Variants in TAFA1 observed in about 807,000 individuals in gnomAD.
The protein encoded by TAFA1 is chemokine-like protein TAFA-1.
TAFA1 carries 4 observed loss-of-function variants against 18.5 expected under a neutral mutation model. That is an observed-to-expected ratio of 0.22 (90% CI 0.11 to 0.49). TAFA1 has a LOEUF of 0.49. Ranked by LOEUF, TAFA1 falls within the 20% of genes least tolerant of loss-of-function variation. The pLI, the probability that TAFA1 is intolerant of heterozygous loss-of-function variation, is 0.98. For missense variants in TAFA1, 147 were observed against 169.0 expected (o/e 0.87, Z 0.72); for synonymous variants, 56 against 55.2 (o/e 1.01, Z -0.06).
At chr3:68,176,208 G>A (rs146569424) in intron 2 of TAFA1, among the ~76,000 whole-genome samples, 6 of 152,334 alleles carry the variant, frequency 3.9e-5, no homozygotes, top group African/African-American at 1.4e-4. Context: ...CAGGCAGGAT[G>A]CCATGGCTCA....
At chr3:68,224,417 C>A (rs2066771063) in intron 2 of TAFA1, among the ~76,000 whole-genome samples, 1 of 152,130 alleles carries the variant, frequency 6.6e-6, no homozygotes, top group African/African-American at 2.4e-5. Context: ...AATTTTAATT[C>A]TCTGTTTGTA....
chr3:68,014,415 C>T (rs900511832), intron 2 of TAFA1, among the ~76,000 whole-genome samples: 1 of 152,156 alleles, frequency 6.6e-6, no homozygotes. Context: ...AAAAACATCA[C>T]ATTAAGCCTT....
chr3:68,166,651 G>A (rs116814474), intron 2 of TAFA1, among the ~76,000 whole-genome samples: 1,680 of 152,248 alleles, frequency 0.011, 35 homozygotes, highest in African/African-American at 0.039. Context: ...AGCAAAGCCT[G>A]CCACACTCCT....
intron 2 of TAFA1, chr3:68,145,420 TC>T: frequency 1.2e-6 from 1 of 848,420 alleles, no homozygotes; most frequent in Non-Finnish European, 2.1e-6. Flanking sequence ...TTGTTGGACT[TC>T]CTATAGAAGA....
intron 2 of TAFA1, among the ~76,000 whole-genome samples, chr3:68,123,011 T>A (rs1389293155): frequency 6.6e-5 from 10 of 151,914 alleles, no homozygotes; most frequent in Admixed American, 3.9e-4. Flanking sequence ...ACCCTTTTTT[T>A]TCCAAAAATC....
intron 2 of TAFA1, among the ~76,000 whole-genome samples, chr3:68,081,268 A>G (rs11928122): frequency 0.029 from 4,484 of 152,006 alleles, 234 homozygotes; most frequent in African/African-American, 0.1. Flanking sequence ...ATGTCCTCCC[A>G]TAGCTCAGAG....
intron 3 of TAFA1, among the ~76,000 whole-genome samples, chr3:68,471,687 T>C (rs966590865): frequency 2.6e-5 from 4 of 152,174 alleles, no homozygotes; most frequent in East Asian, 1.9e-4. Flanking sequence ...CCCACCCAAA[T>C]TGAGGGTGGA....
At chr3:68,024,443 G>C (rs1282487473) in intron 2 of TAFA1, among the ~76,000 whole-genome samples, 1 of 152,142 alleles carries the variant, frequency 6.6e-6, no homozygotes, top group Non-Finnish European at 1.5e-5. Context: ...GTAGTGCAGA[G>C]TGACCCCAGC....
At chr3:68,490,854 G>T (rs1298366059) in intron 3 of TAFA1, among the ~76,000 whole-genome samples, 20 of 131,796 alleles carry the variant, frequency 1.5e-4, no homozygotes, top group Non-Finnish European at 2.5e-4. Flanking sequence ...TTTTTTTGTG[G>T]GGGGGACAGG....
At chr3:68,121,188 T>G (rs78404862) in intron 2 of TAFA1, among the ~76,000 whole-genome samples, 1 of 151,520 alleles carries the variant, frequency 6.6e-6, no homozygotes, top group African/African-American at 2.4e-5. Context: ...TTTTTTATAA[T>G]GCATCTTATT....
chr3:68,370,585 A>G (rs1022048821), intron 2 of TAFA1, among the ~76,000 whole-genome samples: 1 of 140,836 alleles, frequency 7.1e-6, no homozygotes, highest in Non-Finnish European at 1.5e-5. Context: ...GCAAAAACTC[A>G]AAATGAATTG....
At chr3:68,414,527 T>G (rs1265237874) in intron 2 of TAFA1, among the ~76,000 whole-genome samples, 2 of 152,164 alleles carry the variant, frequency 1.3e-5, no homozygotes, top group African/African-American at 2.4e-5. Flanking sequence ...GGGCAAGTTA[T>G]TTAACCCCTC....
the TAFA1 span, among the ~76,000 whole-genome samples, chr3:67,992,965 G>T: frequency 6.6e-6 from 1 of 152,190 alleles, no homozygotes; most frequent in African/African-American, 2.4e-5. Flanking sequence ...GAGTGGTCAG[G>T]CTTGAGTCAT....
At chr3:68,032,880 G>A (rs1014032550) in intron 2 of TAFA1, among the ~76,000 whole-genome samples, 1 of 152,150 alleles carries the variant, frequency 6.6e-6, no homozygotes, top group Non-Finnish European at 1.5e-5. Flanking sequence ...GCGCTTTTCA[G>A]TTCTTTTCAA....
chr3:68,012,081 A>G (rs1704483808), intron 2 of TAFA1, among the ~76,000 whole-genome samples: 1 of 152,238 alleles, frequency 6.6e-6, no homozygotes, highest in Non-Finnish European at 1.5e-5. Flanking sequence ...AAGTTTACTT[A>G]AGAAGACAAT....
chr3:68,416,035 C>T lies in TAFA1; in HGVS notation c.119-1245C>T, dbSNP rs183651729. Reference sequence around the variant, plus strand: ...GGGCATTGTGGGATGTTTAACATAGCCCTGCTTCCTACCTGAAAGATGCAA... The same window carrying T: ...GGGCATTGTGGGATGTTTAACATAGTCCTGCTTCCTACCTGAAAGATGCAA... On this transcript the variant is annotated intron_variant, in intron 2 of 4. Transcript: ENST00000478136. 5.3e-4 allele frequency among the ~76,000 whole-genome samples: 80 copies of T among 152,274 alleles called. No individual in the cohort carries two copies. In the South Asian group the frequency reaches 8.7e-3, roughly 17 times the overall value.
At chr3:68,002,107 G>C (rs1221952469), upstream of TAFA1, among the ~76,000 whole-genome samples, 1 of 152,186 alleles carries the variant, frequency 6.6e-6, no homozygotes, top group Non-Finnish European at 1.5e-5. Flanking sequence ...AAAAATGTGA[G>C]AGTAGTTTTG....
chr3:68,538,308 A>G (rs891455166), intron 3 of TAFA1, among the ~76,000 whole-genome samples: 5 of 152,206 alleles, frequency 3.3e-5, no homozygotes, highest in African/African-American at 1.2e-4. Flanking sequence ...GCCCCCTCTC[A>G]TAGTCCTAAC....
intron 2 of TAFA1, among the ~76,000 whole-genome samples, chr3:68,101,175 T>G (rs2065143317): frequency 6.6e-6 from 1 of 152,110 alleles, no homozygotes; most frequent in Non-Finnish European, 1.5e-5. Flanking sequence ...CTCCATCCTC[T>G]GATACAGACC....
Sources: gnomAD v4.1 joint callset for allele counts (sites outside exome capture counted in the v4.1 genomes callset) on GRCh38, gnomAD v4.1.1 for gene constraint, MANE v1.5 for transcripts, NCBI Gene and HGNC (gene_info 2026-07-23, HGNC 2026-07-21) for gene names.